The following AOAH variants were observed in gnomAD, a reference collection of about 807,000 sequenced individuals.
AOAH encodes the protein acyloxyacyl hydrolase.
AOAH carries 64 observed loss-of-function variants against 92.2 expected under a neutral mutation model. The observed-to-expected ratio is 0.69, with a 90% CI of 0.57 to 0.86. The LOEUF (loss-of-function observed/expected upper bound fraction) is 0.86. AOAH is among the 40% of genes least tolerant of loss of function. AOAH has a pLI of 0.00. For synonymous variants in AOAH, 263 were observed against 254.5 expected, an observed-to-expected ratio of 1.03 and a Z score of -0.32; for missense variants, 656 against 694.6, an observed-to-expected ratio of 0.94 and a Z score of 0.62.
At position 36,632,099 on chromosome 7, in the gene AOAH, G is replaced by T. The variant is rs1962101; in HGVS notation, c.458C>A (p.Ser153Tyr). Residue 153 changes from serine (S) to tyrosine (Y), a missense_variant, in exon 6 of 21, where the codon TCT becomes TAT. Physicochemically the swap from Ser to Tyr is moderately radical, Grantham distance 144. Coordinates refer to ENST00000617537, the MANE Select transcript of AOAH (RefSeq NM_001637.4). ...TGAACAAATGTCAGAACCACTTCTA[G>T]AATATTTCTGGGGAGAAAAAAAAAA... ...IVKKSPILKY[S>Y]RSGSDICSLP... 104 of 1,607,834 alleles carry T rather than the reference G, an allele frequency of 6.5e-5. No individual in the cohort carries two copies. In the South Asian group the frequency reaches 1.0e-3, roughly 16 times the overall value.
intron 2 of AOAH, among the ~76,000 whole-genome samples, chr7:36,678,584 T>TGC (rs1796417779): frequency 9.5e-6 from 1 of 105,814 alleles, no homozygotes; most frequent in African/African-American, 4.3e-5. Context: ...TGTGTGTGTG[T>TGC]GTGTGTGTGT....
At chr7:36,666,777 A>G (rs1795565617) in intron 3 of AOAH, among the ~76,000 whole-genome samples, 1 of 152,022 alleles carries the variant, frequency 6.6e-6, no homozygotes, top group Non-Finnish European at 1.5e-5. Context: ...TTTCAATTTT[A>G]TTTAGTTCAA....
chr7:36,628,400 T>C (rs371663624), intron 6 of AOAH, among the ~76,000 whole-genome samples: 1 of 152,220 alleles, frequency 6.6e-6, no homozygotes, highest in Non-Finnish European at 1.5e-5. Context: ...TCCATGGTCA[T>C]AGCCTGATAG....
At chr7:36,640,355 T>G (rs34611588) in intron 4 of AOAH, among the ~76,000 whole-genome samples, 117 of 152,330 alleles carry the variant, frequency 7.7e-4, no homozygotes, top group African/African-American at 2.7e-3. Context: ...GAAGCATTTC[T>G]GCAAGATGCA....
intron 20 of AOAH, among the ~76,000 whole-genome samples, chr7:36,517,857 A>G (rs1444198815): frequency 6.6e-6 from 1 of 151,230 alleles, no homozygotes; most frequent in African/African-American, 2.4e-5. Context: ...TGCCTCGACC[A>G]CCCAAAGTGC....
chr7:36,680,489 C>A (rs1296022747), intron 2 of AOAH, among the ~76,000 whole-genome samples: 1 of 152,142 alleles, frequency 6.6e-6, no homozygotes, highest in Non-Finnish European at 1.5e-5. Flanking sequence ...ATCCTTCTGT[C>A]CCCCATTCAC....
In AOAH at chr7:36,622,396, G is replaced by A. The variant is rs145075459; in HGVS notation, c.583-616C>T. ...TTATGCAGGTTTAAATATTTGACCT[G>A]AATGATGTGAATCAAGAGTTATAAT... is the stretch of plus-strand genomic sequence containing the variant. On this transcript the variant is annotated intron_variant, in intron 7 of 20. Transcript: ENST00000617537. 3.2e-3 allele frequency among the ~76,000 whole-genome samples: 480 copies of A among 152,282 alleles called. 7 individuals carry two copies. Among genetic ancestry groups the A allele is most frequent in the African/African-American group, 0.011 (459 of 41,566 alleles).
intron 1 of AOAH, among the ~76,000 whole-genome samples, chr7:36,687,006 C>T (rs1196883098): frequency 6.6e-6 from 1 of 152,114 alleles, no homozygotes; most frequent in East Asian, 1.9e-4. Flanking sequence ...ATTAGCTTCT[C>T]TCCTCCCCCA....
intron 11 of AOAH, among the ~76,000 whole-genome samples, chr7:36,605,497 G>A (rs771830814): frequency 2.6e-5 from 4 of 152,166 alleles, no homozygotes; most frequent in Non-Finnish European, 4.4e-5. Flanking sequence ...GATAGCACAG[G>A]CATTGACTGA....
intron 4 of AOAH, among the ~76,000 whole-genome samples, chr7:36,643,227 C>T (rs1003069214): frequency 8.5e-5 from 13 of 152,152 alleles, no homozygotes; most frequent in Admixed American, 3.3e-4. Context: ...AGAGATGACA[C>T]AATTTAACCC....
At chr7:36,616,538 T>C (rs1229493222) in intron 10 of AOAH, 64 bp from the exon 11 acceptor site, 6 of 1,390,768 alleles carry the variant, frequency 4.3e-6, no homozygotes, top group African/African-American at 4.3e-5. Context: ...CCAGACTGGG[T>C]AGATATAAGA....
At chr7:36,655,198 T>A (rs1794804894) in intron 4 of AOAH, among the ~76,000 whole-genome samples, 1 of 152,218 alleles carries the variant, frequency 6.6e-6, no homozygotes, top group African/African-American at 2.4e-5. Context: ...ACCTTCGTCA[T>A]CTATAAAGGG....
intron 1 of AOAH, among the ~76,000 whole-genome samples, chr7:36,705,801 C>T (rs1456948886): frequency 2.0e-5 from 3 of 152,002 alleles, no homozygotes; most frequent in African/African-American, 4.8e-5. Context: ...GGTACTGGTA[C>T]CAAAACAGAT....
At chr7:36,659,755 CTTT>C (rs112482487) in intron 3 of AOAH, among the ~76,000 whole-genome samples, 3 of 127,980 alleles carry the variant, frequency 2.3e-5, no homozygotes, top group Non-Finnish European at 4.8e-5. Flanking sequence ...TTTTTTCTTT[CTTT>C]TTTTTTTTTT....
Position 36,522,058 on chromosome 7 carries a change from T to A in AOAH, c.1580A>T (p.Asp527Val), listed in dbSNP as rs760239433. The A allele has an allele frequency of 1.2e-6, 2 of 1,614,218 alleles. No individual in the cohort carries two copies. Among genetic ancestry groups the A allele is most frequent in the Non-Finnish European group, 1.7e-6 (2 of 1,180,020 alleles). ...GQPWQLIEPV[D>V]GFHPNEVALL... ...GCTTACCTCGTTGGGGTGGAATCCA[T>A]CCACGGGCTCGATGAGCTGCCAGGG... The change falls in exon 20 of 21, where the codon GAT becomes GTT. Residue 527 changes from aspartate (D) to valine (V), a missense_variant. By Grantham distance (152) the Asp-to-Val change is radical. Transcript: ENST00000617537.
At chr7:36,536,941 C>A (rs1042370945) in intron 16 of AOAH, among the ~76,000 whole-genome samples, 2 of 91,256 alleles carry the variant, frequency 2.2e-5, no homozygotes, top group African/African-American at 4.4e-5. Context: ...CATAGTGAGA[C>A]TTCATCTCAA....
chr7:36,719,077 A>C (rs1799453156), intron 1 of AOAH, among the ~76,000 whole-genome samples: 1 of 152,242 alleles, frequency 6.6e-6, no homozygotes, highest in Admixed American at 6.5e-5. Context: ...ACCTTGAACA[A>C]GTTACTTATT....
At chr7:36,554,300 G>A (rs1412522641) in intron 13 of AOAH, among the ~76,000 whole-genome samples, 1 of 152,136 alleles carries the variant, frequency 6.6e-6, no homozygotes. Context: ...TTGTAGATAT[G>A]CGGTGTTATT....
chr7:36,662,674 C>T (rs1776309976), intron 3 of AOAH, among the ~76,000 whole-genome samples: 1 of 152,156 alleles, frequency 6.6e-6, no homozygotes, highest in Admixed American at 6.5e-5. Flanking sequence ...CCAGGACAAG[C>T]AGAGCCAACT....
Sources: allele counts gnomAD v4.1 joint callset (sites outside exome capture counted in the v4.1 genomes callset), GRCh38; gene constraint gnomAD v4.1.1; transcripts MANE v1.5; gene names NCBI Gene and HGNC (gene_info 2026-07-23, HGNC 2026-07-21).